HMCN1: variants seen among roughly 807,000 people sequenced by gnomAD.
The protein encoded by HMCN1 is hemicentin-1.
A neutral mutation model predicts 625.9 loss-of-function variants in HMCN1; 321 were observed. That is an observed-to-expected ratio of 0.51 (90% CI 0.47 to 0.56). The LOEUF (loss-of-function observed/expected upper bound fraction) is 0.56. Among genes scored for constraint, HMCN1 ranks in the 20% least tolerant of loss-of-function variants. The probability of loss-of-function intolerance (pLI) is 0.00; values close to 1 mark genes in which losing one functional copy is unlikely to be tolerated. For synonymous variants in HMCN1, 2,425 were observed against 2,417.6 expected, an observed-to-expected ratio of 1.00 and a Z score of -0.09; for missense variants, 6,588 against 6,887.3, an observed-to-expected ratio of 0.96 and a Z score of 1.54.
At chr1:185,783,307 T>C (rs543275567) in intron 1 of HMCN1, among the ~76,000 whole-genome samples, 1 of 152,310 alleles carries the variant, frequency 6.6e-6, no homozygotes, top group Non-Finnish European at 1.5e-5. Flanking sequence ...TCCTTTAGCT[T>C]GGAGAAGTTT....
At chr1:186,176,342 A>G (rs1168584122) in intron 103 of HMCN1, among the ~76,000 whole-genome samples, 1 of 152,240 alleles carries the variant, frequency 6.6e-6, no homozygotes, top group Non-Finnish European at 1.5e-5. Flanking sequence ...TCTAAAACTT[A>G]TAATGGTATG....
chr1:185,965,459 T>C (rs367766843), intron 13 of HMCN1, among the ~76,000 whole-genome samples: 3 of 152,130 alleles, frequency 2.0e-5, no homozygotes, highest in African/African-American at 7.2e-5. Context: ...CTTTTAGTAT[T>C]GTTTCTCTAA....
chr1:185,748,490 C>A (rs1205943232), intron 1 of HMCN1, among the ~76,000 whole-genome samples: 1 of 152,036 alleles, frequency 6.6e-6, no homozygotes, highest in Non-Finnish European at 1.5e-5. Flanking sequence ...ATTGAGATCC[C>A]TTTCTATATT....
Position 185,859,128 on chromosome 1 carries a change from TTGTGTGTGTGTG to T in HMCN1, c.340-5320_340-5309del, listed in dbSNP as rs59835697. Among the ~76,000 whole-genome samples the T allele has an allele frequency of 6.2e-3, 862 of 138,384 alleles. 23 individuals are homozygous for T. The highest frequency in any genetic ancestry group is 0.038 in the Admixed American group (519 of 13,526). 90.8% of individuals were successfully genotyped at this position (138,384 alleles called of 152,430 possible). On this transcript the variant is annotated intron_variant, in intron 2 of 106. Transcript: ENST00000271588. Reference sequence around the variant, plus strand: ...TATATATAATCCTTGTTTATAAACTTTGTGTGTGTGTGTGTGTGTGTGTGTGTGTGTGTATAA... The same window carrying T: ...TATATATAATCCTTGTTTATAAACTTTGTGTGTGTGTGTGTGTGTGTATAA...
At chr1:185,810,952 G>A (rs186856189) in intron 1 of HMCN1, among the ~76,000 whole-genome samples, 11 of 151,966 alleles carry the variant, frequency 7.2e-5, no homozygotes, top group Non-Finnish European at 1.3e-4. Flanking sequence ...AAATCTAAAC[G>A]TTTTTCCTTC....
In HMCN1 at chr1:186,055,672, A is replaced by T; in HGVS notation, c.7142A>T (p.His2381Leu). ...MTDKKYDLSVHAPPSIIGNHR... is the reference protein window; with the variant it reads ...MTDKKYDLSVLAPPSIIGNHR... ...GACAAAAAATATGACTTAAGTGTCC[A>T]TGGTAAGTAGAAAGAGGCTCAATAT... Residue 2381 changes from histidine (H) to leucine (L), a missense_variant and splice_region_variant, in exon 45 of 107, where the codon CAT becomes CTT. This residue lies in a region of HMCN1 where 4,628 missense variants were observed against 4,853.1 expected (regional missense o/e 0.95). Transcript: ENST00000271588. The T allele has an allele frequency of 6.2e-7, 1 of 1,612,458 alleles. No homozygotes were observed. Among genetic ancestry groups the T allele is most frequent in the Non-Finnish European group, 8.5e-7 (1 of 1,178,852 alleles).
chr1:186,172,341 T>A (rs1485695533), intron 102 of HMCN1, among the ~76,000 whole-genome samples: 1 of 152,230 alleles, frequency 6.6e-6, no homozygotes, highest in East Asian at 1.9e-4. Flanking sequence ...TGAAAACTTA[T>A]GACCATTTTG....
intron 49 of HMCN1, among the ~76,000 whole-genome samples, chr1:186,067,349 G>A (rs147459143): frequency 5.3e-4 from 81 of 152,102 alleles, no homozygotes; most frequent in African/African-American, 1.8e-3. Flanking sequence ...TCATCCTCCC[G>A]ATATACCCTG....
chr1:186,154,842 T>A (rs543826475), intron 97 of HMCN1, among the ~76,000 whole-genome samples: 1 of 152,320 alleles, frequency 6.6e-6, no homozygotes, highest in South Asian at 2.1e-4. Context: ...CTATGCTATG[T>A]GGTTCTTTGA....
chr1:186,118,297 T>C, intron 77 of HMCN1, among the ~76,000 whole-genome samples: 1 of 152,156 alleles, frequency 6.6e-6, no homozygotes, highest in East Asian at 1.9e-4. Context: ...ATGTGCATAT[T>C]ATTCTAAGAG....
At chr1:185,813,939 A>G (rs766249474) in intron 1 of HMCN1, among the ~76,000 whole-genome samples, 61 of 152,172 alleles carry the variant, frequency 4.0e-4, no homozygotes, top group Non-Finnish European at 6.6e-4. Context: ...GAGTGAATGA[A>G]TAGGATATGG....
At chr1:186,041,610 G>A (rs1428397150) in intron 40 of HMCN1, among the ~76,000 whole-genome samples, 6 of 152,176 alleles carry the variant, frequency 3.9e-5, no homozygotes, top group African/African-American at 4.8e-5. Context: ...CAAAATTTAC[G>A]TTTTTGCCCA....
At chr1:185,799,011 G>A (rs1300644287) in intron 1 of HMCN1, among the ~76,000 whole-genome samples, 1 of 152,020 alleles carries the variant, frequency 6.6e-6, no homozygotes, top group East Asian at 1.9e-4. Flanking sequence ...TCTTATTTTG[G>A]AATTTAATTT....
intron 86 of HMCN1, among the ~76,000 whole-genome samples, chr1:186,135,104 C>G (rs1193400386): frequency 2.0e-5 from 3 of 152,142 alleles, no homozygotes; most frequent in Non-Finnish European, 4.4e-5. Flanking sequence ...GTTCAACTCT[C>G]TTTTTCCCAA....
chr1:185,774,079 T>A (rs973907479), intron 1 of HMCN1, among the ~76,000 whole-genome samples: 1 of 152,162 alleles, frequency 6.6e-6, no homozygotes, highest in Non-Finnish European at 1.5e-5. Context: ...TGTTCCATAC[T>A]ATAGAATAAT....
At chr1:185,828,747 T>C (rs540895636) in intron 1 of HMCN1, among the ~76,000 whole-genome samples, 1 of 152,156 alleles carries the variant, frequency 6.6e-6, no homozygotes, top group African/African-American at 2.4e-5. Flanking sequence ...CTTCATCAAA[T>C]TTAAAAATCT....
chr1:186,016,226 A>G lies in HMCN1; in HGVS notation c.5178A>G (p.Glu1726=). 1.2e-6 allele frequency: 2 copies of G among 1,612,846 alleles called. No individual in the cohort carries two copies. Among genetic ancestry groups the G allele is most frequent in the Non-Finnish European group, 1.7e-6 (2 of 1,179,100 alleles). The change falls in exon 32 of 107, where the codon GAA becomes GAG. Residue 1726 remains glutamate, a synonymous_variant. Coordinates refer to ENST00000271588, the MANE Select transcript of HMCN1 (RefSeq NM_031935.3). The part of the protein sequence containing the change: ...SVAGEKEIKY[E]VDVLVPPAIE... ...CAGGAGAAAAGGAAATCAAATATGA[A>G]GTTGATGTCTTGGGTAAATAAGGAT...
chr1:186,190,188 G>A lies in HMCN1; in HGVS notation c.*310G>A. 3.4e-6 allele frequency: 1 copy of A among 290,820 alleles called. No individual in the cohort carries two copies. The allele number at this position is 290,820 out of a possible 1,614,324, so 18.0% of individuals were successfully genotyped here. ...TGGTTTACAGTAGTGTAGTACCTAA[G>A]ATCATTTTCCTGAAAGCCAAACCAA... On this transcript the variant is annotated 3_prime_UTR_variant, in exon 107 of 107. Transcript: ENST00000271588.
chr1:186,174,924 T>C (rs1475291910), intron 103 of HMCN1, among the ~76,000 whole-genome samples: 1 of 152,236 alleles, frequency 6.6e-6, no homozygotes, highest in Non-Finnish European at 1.5e-5. Context: ...CCATCACAAC[T>C]TAATTATCAA....
Sources: gnomAD v4.1 joint callset for allele counts (sites outside exome capture counted in the v4.1 genomes callset) on GRCh38, gnomAD v4.1.1 for gene constraint, gnomAD v4.1.1 regional missense constraint, MANE v1.5 for transcripts, NCBI Gene and HGNC (gene_info 2026-07-23, HGNC 2026-07-21) for gene names.